The following IDE variants were observed in gnomAD, a reference collection of about 807,000 sequenced individuals.
IDE encodes insulin degrading enzyme.
A neutral mutation model predicts 133.2 loss-of-function variants in IDE; 58 were observed. The ratio of observed to expected loss-of-function variants is 0.44; its 90% CI spans 0.35 to 0.54. The LOEUF (loss-of-function observed/expected upper bound fraction) is 0.54. Among genes scored for constraint, IDE ranks in the 20% least tolerant of loss-of-function variants. The probability of loss-of-function intolerance (pLI) is 0.00; values close to 1 mark genes in which losing one functional copy is unlikely to be tolerated. For missense variants in IDE, 981 were observed against 1,234.0 expected (o/e 0.79, Z 3.07); for synonymous variants, 396 against 421.3 (o/e 0.94, Z 0.73).
At chr10:92,504,007 C>T (rs910533612) in intron 11 of IDE, among the ~76,000 whole-genome samples, 3 of 138,020 alleles carry the variant, frequency 2.2e-5, no homozygotes, top group East Asian at 2.2e-4. Context: ...CAGGAGCCAC[C>T]GCGCCCAGCC....
intron 1 of IDE, among the ~76,000 whole-genome samples, chr10:92,563,510 T>C (rs1843380325): frequency 6.6e-6 from 1 of 151,270 alleles, no homozygotes; most frequent in South Asian, 2.1e-4. Flanking sequence ...TCCAGCACTT[T>C]GGGAGGCTGA....
chr10:92,466,230 CA>C (rs59698259), intron 19 of IDE, among the ~76,000 whole-genome samples: 44,686 of 70,158 alleles, frequency 0.64, 11,699 homozygotes, highest in East Asian at 0.83. Flanking sequence ...GACCCTGTCT[CA>C]AAAAAAAAAA....
intron 5 of IDE, among the ~76,000 whole-genome samples, chr10:92,512,559 TA>T (rs11373926): frequency 0.013 from 1,804 of 139,984 alleles, 40 homozygotes; most frequent in Admixed American, 0.055. Flanking sequence ...CAACATAGAT[TA>T]AAAAAAAAAA....
At chr10:92,508,072 T>G in intron 8 of IDE, 41 bp downstream of exon 8, 1 of 1,418,356 alleles carries the variant, frequency 7.1e-7, no homozygotes, top group South Asian at 1.2e-5. Flanking sequence ...TCATAGAAAG[T>G]AAATTTTCAT....
At chr10:92,469,711 C>T (rs1023979340) in intron 18 of IDE, among the ~76,000 whole-genome samples, 3 of 152,190 alleles carry the variant, frequency 2.0e-5, no homozygotes, top group Non-Finnish European at 4.4e-5. Context: ...CCACTGCACC[C>T]GGCCGAGACT....
At chr10:92,506,576 T>C in intron 9 of IDE, 54 bp from the exon 10 acceptor site, 1 of 797,816 alleles carries the variant, frequency 1.3e-6, no homozygotes, top group South Asian at 1.7e-5. Context: ...TAGAAACCTT[T>C]TTTTTTTTTT....
chr10:92,517,060 C>A (rs1320509937), intron 4 of IDE, among the ~76,000 whole-genome samples: 6 of 152,170 alleles, frequency 3.9e-5, no homozygotes, highest in Non-Finnish European at 1.5e-5. Context: ...TGTCTTTCTT[C>A]TGCAGAGATA....
intron 2 of IDE, among the ~76,000 whole-genome samples, 196 bp from the exon 3 acceptor site, chr10:92,534,981 C>A (rs150703862): frequency 6.6e-6 from 1 of 152,152 alleles, no homozygotes; most frequent in Admixed American, 6.5e-5. Flanking sequence ...CTGCTCTTGA[C>A]GCTAATTAGT....
At chr10:92,488,506 G>A (rs1402274213) in intron 12 of IDE, among the ~76,000 whole-genome samples, 5 of 152,122 alleles carry the variant, frequency 3.3e-5, no homozygotes, top group Admixed American at 6.6e-5. Flanking sequence ...GGCCAGGCGC[G>A]GTGGCTCACG....
chr10:92,572,978 G>T, intron 1 of IDE: 1 of 985,342 alleles, frequency 1.0e-6, no homozygotes, highest in Non-Finnish European at 1.2e-6. Flanking sequence ...TTCCTTGGAA[G>T]GCAGACACAT....
chr10:92,539,309 C>T (rs1371279350), intron 1 of IDE, among the ~76,000 whole-genome samples: 1 of 151,782 alleles, frequency 6.6e-6, no homozygotes, highest in Non-Finnish European at 1.5e-5. Context: ...TTTTAAAAAT[C>T]ACATAGTACT....
In IDE at chr10:92,573,585, C is replaced by T. The variant is rs557778370; in HGVS notation, c.98+337G>A. Among the ~76,000 whole-genome samples the T allele has an allele frequency of 2.3e-4, 35 of 152,328 alleles. No homozygotes were observed. The East Asian group carries it at 6.6e-3, about 29-fold the overall frequency. On this transcript the variant is annotated intron_variant, in intron 1 of 24. Coordinates refer to ENST00000265986, the MANE Select transcript of IDE (RefSeq NM_004969.4). ...ACAGGCGGACTCCGGGAGAGTGACGCGGCGCGGCTCCCAGGTGCAGGCCGG... is the reference window on the plus strand; with the variant it reads ...ACAGGCGGACTCCGGGAGAGTGACGTGGCGCGGCTCCCAGGTGCAGGCCGG...
intron 11 of IDE, among the ~76,000 whole-genome samples, chr10:92,494,896 T>C (rs537195941): frequency 1.3e-5 from 2 of 152,096 alleles, no homozygotes; most frequent in African/African-American, 4.8e-5. Flanking sequence ...TCATAGGTAA[T>C]TGTGATTAAT....
chr10:92,470,773 T>C (rs1397729886), intron 17 of IDE, among the ~76,000 whole-genome samples: 2 of 152,176 alleles, frequency 1.3e-5, no homozygotes, highest in African/African-American at 4.8e-5. Context: ...CACAATTAGA[T>C]TTCATGTCTG....
intron 14 of IDE, among the ~76,000 whole-genome samples, chr10:92,482,837 GCT>G (rs1256415710): frequency 2.0e-5 from 3 of 151,640 alleles, no homozygotes; most frequent in African/African-American, 7.3e-5. Flanking sequence ...ACAGAGTCTG[GCT>G]CTGTCGCCCA....
At chr10:92,546,076 T>A (rs1842522249) in intron 1 of IDE, among the ~76,000 whole-genome samples, 1 of 152,152 alleles carries the variant, frequency 6.6e-6, no homozygotes. Flanking sequence ...TAAAAAGGAA[T>A]AATATAGAAC....
chr10:92,472,981 C>T (rs1264095370), intron 17 of IDE, among the ~76,000 whole-genome samples: 7 of 125,084 alleles, frequency 5.6e-5, no homozygotes, highest in South Asian at 2.7e-4. Context: ...CTCACTCTGT[C>T]GCCCAGGCTG....
Position 92,463,950 on chromosome 10 carries a change from A to C in IDE, c.2542T>G (p.Phe848Val). The C allele has an allele frequency of 6.2e-7, 1 of 1,614,170 alleles. No individual in the cohort carries two copies. Among genetic ancestry groups the C allele is most frequent in the Non-Finnish European group, 8.5e-7 (1 of 1,180,018 alleles). ...GGTGGCTTTTCTGACTGGATGATGA[A>C]TCTCAAGCCCTGTATGCCATTAGCT... ...RRANGIQGLRFIIQSEKPPHY... is the reference protein window; with the variant it reads ...RRANGIQGLRVIIQSEKPPHY... The change falls in exon 21 of 25, where the codon TTC becomes GTC. Residue 848 changes from phenylalanine to valine, a missense_variant. Physicochemically the swap from Phe to Val is conservative, Grantham distance 50. Transcript: ENST00000265986.
At chr10:92,566,259 C>T (rs1489826795) in intron 1 of IDE, among the ~76,000 whole-genome samples, 1 of 151,734 alleles carries the variant, frequency 6.6e-6, no homozygotes, top group Non-Finnish European at 1.5e-5. Context: ...CAGCTACTAG[C>T]CCCAGCTACC....
Sources: gnomAD v4.1 joint callset for allele counts (sites outside exome capture counted in the v4.1 genomes callset) on GRCh38, gnomAD v4.1.1 for gene constraint, MANE v1.5 for transcripts, NCBI Gene and HGNC (gene_info 2026-07-23, HGNC 2026-07-21) for gene names.